Variants in DNAI1 observed in about 807,000 individuals in gnomAD.
DNAI1 encodes dynein, axonemal, intermediate polypeptide 1.
A neutral mutation model predicts 92.0 loss-of-function variants in DNAI1; 67 were observed. The ratio of observed to expected loss-of-function variants is 0.73; its 90% CI spans 0.60 to 0.89. DNAI1 has a LOEUF of 0.89. Ranked by LOEUF, DNAI1 falls within the 40% of genes least tolerant of loss-of-function variation. DNAI1 has a pLI of 0.00. For synonymous variants in DNAI1, 323 were observed against 319.6 expected (o/e 1.01, Z -0.11); for missense variants, 839 against 866.6 (o/e 0.97, Z 0.40).
intron 19 of DNAI1, 132 bp from the exon 20 acceptor site, chr9:34,520,526 C>G: frequency 1.2e-6 from 1 of 809,114 alleles, no homozygotes; most frequent in African/African-American, 1.7e-5. Flanking sequence ...AGAGGGGAGG[C>G]AGGGATCCAG....
intron 18 of DNAI1, among the ~76,000 whole-genome samples, chr9:34,516,744 C>CTT (rs543113261): frequency 2.2e-5 from 3 of 135,072 alleles, no homozygotes; most frequent in Admixed American, 7.4e-5. Context: ...CTTTTCTTTT[C>CTT]TTTTTTTTTT....
intron 13 of DNAI1, among the ~76,000 whole-genome samples, chr9:34,509,899 CA>C (rs141472357): frequency 1.1e-3 from 111 of 105,064 alleles, no homozygotes; most frequent in East Asian, 3.3e-3. Context: ...GACTCCGTCT[CA>C]AAAAAAAAAA....
intron 1 of DNAI1, among the ~76,000 whole-genome samples, chr9:34,466,830 C>A (rs185715065): frequency 1.3e-5 from 2 of 152,122 alleles, no homozygotes; most frequent in African/African-American, 4.8e-5. Flanking sequence ...CCATGGTCTC[C>A]GCTCCCTCAT....
At chr9:34,482,060 T>A (rs1202164365) in intron 1 of DNAI1, among the ~76,000 whole-genome samples, 1 of 152,170 alleles carries the variant, frequency 6.6e-6, no homozygotes, top group African/African-American at 2.4e-5. Flanking sequence ...GTTCTCCACC[T>A]CCCCATCAGA....
chr9:34,474,396 G>A (rs1824200331), intron 1 of DNAI1, among the ~76,000 whole-genome samples: 3 of 151,374 alleles, frequency 2.0e-5, no homozygotes, highest in African/African-American at 7.3e-5. Flanking sequence ...CACCACGCCT[G>A]GCTAATTTTG....
chr9:34,466,758 C>G (rs1234302196), intron 1 of DNAI1, among the ~76,000 whole-genome samples: 1 of 152,116 alleles, frequency 6.6e-6, no homozygotes, highest in Non-Finnish European at 1.5e-5. Flanking sequence ...CTCTCACAGC[C>G]TCTCTATTTC....
At chr9:34,459,684 G>C (rs1453708261) in intron 1 of DNAI1, among the ~76,000 whole-genome samples, 1 of 152,170 alleles carries the variant, frequency 6.6e-6, no homozygotes, top group African/African-American at 2.4e-5. Context: ...GAGCTCAAGC[G>C]ATCCTCCTAC....
intron 1 of DNAI1, among the ~76,000 whole-genome samples, chr9:34,472,435 A>G (rs1824155355): frequency 6.6e-6 from 1 of 152,102 alleles, no homozygotes; most frequent in African/African-American, 2.4e-5. Flanking sequence ...GTCCTATATA[A>G]TTGGCTTCTG....
In DNAI1 at chr9:34,489,439, ATT is replaced by A; in HGVS notation, c.379_380del (p.Leu127SerfsTer29). 1 of 1,613,688 alleles carries A rather than the reference ATT, an allele frequency of 6.2e-7. No individual in the cohort carries two copies. The highest frequency in any genetic ancestry group is 8.5e-7 in the Non-Finnish European group (1 of 1,179,930). ...EGRRQHYRDELVAGSQESVKV... is the reference protein window; with the variant it reads ...EGRRQHYRDEXVAGSQESVKV... ...GACGGCGGCAGCATTACCGCGATGA[ATT>A]AGTGGCAGGTAGGACTCTGGGCCAT... On this transcript the variant is annotated frameshift_variant, in exon 5 of 20. Transcript: ENST00000242317. LOFTEE classifies it high-confidence loss of function.
At chr9:34,481,201 C>T (rs1824346633) in intron 1 of DNAI1, among the ~76,000 whole-genome samples, 2 of 152,378 alleles carry the variant, frequency 1.3e-5, no homozygotes, top group South Asian at 4.1e-4. Context: ...CGAGATTGTG[C>T]CACTGCACTC....
chr9:34,459,148 T>G (rs1823888498), intron 1 of DNAI1, 95 bp downstream of exon 1: 3 of 1,237,386 alleles, frequency 2.4e-6, no homozygotes, highest in Non-Finnish European at 3.5e-6. Flanking sequence ...TGATCTTTTC[T>G]CTGTTGACCC....
At chr9:34,503,552 A>G (rs1386701198) in intron 12 of DNAI1, among the ~76,000 whole-genome samples, 1 of 152,154 alleles carries the variant, frequency 6.6e-6, no homozygotes. Context: ...GTATTCCCAG[A>G]TATTTATTCT....
At chr9:34,469,549 T>C (rs1479895484) in intron 1 of DNAI1, among the ~76,000 whole-genome samples, 1 of 151,720 alleles carries the variant, frequency 6.6e-6, no homozygotes, top group Non-Finnish European at 1.5e-5. Flanking sequence ...CTACAGCACT[T>C]TTTTTCTTTC....
chr9:34,512,235 T>TG (rs1825079609), intron 14 of DNAI1, 37 bp downstream of exon 14: 1 of 1,612,320 alleles, frequency 6.2e-7, no homozygotes, highest in African/African-American at 1.3e-5. Flanking sequence ...CTGGGGTGAT[T>TG]GGGGAGGCAG....
intron 13 of DNAI1, 86 bp downstream of exon 13, chr9:34,506,960 A>G (rs556080382): frequency 1.3e-6 from 2 of 1,548,046 alleles, no homozygotes; most frequent in African/African-American, 1.4e-5. Flanking sequence ...TGGGGAGGAG[A>G]GGACCACAGG....
intron 18 of DNAI1, among the ~76,000 whole-genome samples, chr9:34,516,894 C>A (rs1454014845): frequency 6.6e-6 from 1 of 151,826 alleles, no homozygotes; most frequent in African/African-American, 2.4e-5. Context: ...CATGCACCAC[C>A]ACGCCCATCT....
At position 34,517,338 on chromosome 9, in the gene DNAI1, T is replaced by C; in HGVS notation, c.1872T>C (p.Pro624=). ...INKYEAICNQ[P]VAAKKNRLTH... ...AGTATGAGGCCATCTGCAACCAGCC[T>C]GTGGCGGCCAAAAAGAACAGGCTCA... The change falls in exon 19 of 20, where the codon CCT becomes CCC. Residue 624 remains proline, a synonymous_variant. Coordinates refer to ENST00000242317, the MANE Select transcript of DNAI1 (RefSeq NM_012144.4). 6.2e-7 allele frequency: 1 copy of C among 1,614,158 alleles called. No homozygotes were observed. Among genetic ancestry groups the C allele is most frequent in the African/African-American group, 1.3e-5 (1 of 75,040 alleles).
intron 1 of DNAI1, among the ~76,000 whole-genome samples, chr9:34,473,572 G>A (rs919732209): frequency 6.6e-6 from 1 of 152,156 alleles, no homozygotes. Flanking sequence ...GATTACAGGT[G>A]TGAGCCACCA....
intron 1 of DNAI1, among the ~76,000 whole-genome samples, chr9:34,460,685 G>A (rs10972127): frequency 0.2 from 31,036 of 151,816 alleles, 3,743 homozygotes; most frequent in African/African-American, 0.34. Flanking sequence ...TTTTTGAGAC[G>A]GAGTTTCACT....
Sources: gnomAD v4.1 joint callset for allele counts (sites outside exome capture counted in the v4.1 genomes callset) on GRCh38, gnomAD v4.1.1 for gene constraint, MANE v1.5 for transcripts, NCBI Gene and HGNC (gene_info 2026-07-23, HGNC 2026-07-21) for gene names.